NKAIN2: variants seen among roughly 807,000 people sequenced by gnomAD.
NKAIN2 encodes sodium/potassium-transporting ATPase subunit beta-1-interacting protein 2.
NKAIN2 carries 14 observed loss-of-function variants against 32.6 expected under a neutral mutation model. The observed-to-expected ratio is 0.43, with a 90% CI of 0.28 to 0.67. The LOEUF (loss-of-function observed/expected upper bound fraction) is 0.67. Ranked by LOEUF, NKAIN2 falls within the 30% of genes least tolerant of loss-of-function variation. The probability of loss-of-function intolerance (pLI) is 0.17; values close to 1 mark genes in which losing one functional copy is unlikely to be tolerated. For synonymous variants in NKAIN2, 80 were observed against 87.2 expected, an observed-to-expected ratio of 0.92 and a Z score of 0.46; for missense variants, 198 against 258.3, an observed-to-expected ratio of 0.77 and a Z score of 1.60.
chr6:124,080,104 C>T (rs750544319), intron 1 of NKAIN2, among the ~76,000 whole-genome samples: 6 of 152,084 alleles, frequency 3.9e-5, no homozygotes, highest in Non-Finnish European at 8.8e-5. Flanking sequence ...AAAGCTGGGA[C>T]AACAGGTCTC....
At chr6:124,515,691 A>T (rs1487508829) in intron 3 of NKAIN2, among the ~76,000 whole-genome samples, 1 of 115,338 alleles carries the variant, frequency 8.7e-6, no homozygotes, top group Non-Finnish European at 1.8e-5. Context: ...GCACTTCCCT[A>T]CTTCATTTTT....
At chr6:123,990,942 A>G (rs1208376133) in intron 1 of NKAIN2, among the ~76,000 whole-genome samples, 1 of 152,208 alleles carries the variant, frequency 6.6e-6, no homozygotes, top group Non-Finnish European at 1.5e-5. Flanking sequence ...CAATGAAATA[A>G]TTAGCCAATT....
chr6:124,755,465 C>T (rs1303824383), intron 4 of NKAIN2, among the ~76,000 whole-genome samples: 1 of 152,088 alleles, frequency 6.6e-6, no homozygotes, highest in East Asian at 1.9e-4. Flanking sequence ...TCTAGGCATC[C>T]TTCAGTCCAA....
intron 1 of NKAIN2, among the ~76,000 whole-genome samples, chr6:124,002,640 CT>C (rs1285847007): frequency 2.0e-5 from 3 of 152,108 alleles, no homozygotes; most frequent in Non-Finnish European, 4.4e-5. Flanking sequence ...GAAACCTGGC[CT>C]GGCGATGGCA....
At position 123,997,327 on chromosome 6, in the gene NKAIN2, C is replaced by T. The variant is rs1473909102; in HGVS notation, c.54+193073C>T. Among the ~76,000 whole-genome samples the T allele has an allele frequency of 2.6e-5, 4 of 152,168 alleles. No homozygotes were observed. The East Asian group carries it at 7.7e-4, about 29-fold the overall frequency. On this transcript the variant is annotated intron_variant, in intron 1 of 6. Coordinates refer to ENST00000368417, the MANE Select transcript of NKAIN2 (RefSeq NM_001040214.3). ...CCTATAAAACATGTTTTATTTAATT[C>T]ATTGCTACCCGTTTATGGCTGCACC...
chr6:124,721,142 C>T (rs188736925), intron 4 of NKAIN2, among the ~76,000 whole-genome samples: 15 of 152,228 alleles, frequency 9.9e-5, no homozygotes, highest in Non-Finnish European at 1.6e-4. Flanking sequence ...GTTGGCCGGG[C>T]GCGGTGGCTC....
chr6:124,647,433 A>G lies in NKAIN2; in HGVS notation c.274-10753A>G, dbSNP rs1784215070. On this transcript the variant is annotated intron_variant, in intron 3 of 6. Coordinates refer to ENST00000368417, the MANE Select transcript of NKAIN2 (RefSeq NM_001040214.3). ...GTGCTCACTTGAACCCAGGAGGTGG[A>G]GGGTCTAGTAAGCCAAGATTGTGCC... Among the ~76,000 whole-genome samples the G allele has an allele frequency of 2.3e-5, 3 of 131,282 alleles. No individual in the cohort carries two copies. The South Asian group carries it at 7.9e-4, about 35-fold the overall frequency. The allele number at this position is 131,282 out of a possible 152,430, so 86.1% of individuals were successfully genotyped here.
chr6:124,672,000 G>T (rs35522678), intron 4 of NKAIN2, among the ~76,000 whole-genome samples: 1 of 151,676 alleles, frequency 6.6e-6, no homozygotes, highest in Admixed American at 6.6e-5. Flanking sequence ...TCCTGTCAAT[G>T]AGCCCATTTT....
At chr6:124,565,629 T>A (rs1780881175) in intron 3 of NKAIN2, among the ~76,000 whole-genome samples, 1 of 152,216 alleles carries the variant, frequency 6.6e-6, no homozygotes, top group South Asian at 2.1e-4. Flanking sequence ...AGTGGTTTCA[T>A]GCCTCTGCAC....
intron 3 of NKAIN2, among the ~76,000 whole-genome samples, chr6:124,530,225 AATGCAT>A (rs1326200218): frequency 6.6e-6 from 1 of 152,236 alleles, no homozygotes; most frequent in African/African-American, 2.4e-5. Flanking sequence ...ACAGTCAGTT[AATGCAT>A]ATTTTCTATA....
intron 4 of NKAIN2, among the ~76,000 whole-genome samples, chr6:124,676,980 G>A (rs941519717): frequency 6.6e-6 from 1 of 151,702 alleles, no homozygotes; most frequent in African/African-American, 2.4e-5. Context: ...TTGTTGTTTT[G>A]GGGTGGAGGA....
At chr6:124,131,097 A>T (rs2114261748) in intron 1 of NKAIN2, among the ~76,000 whole-genome samples, 1 of 152,302 alleles carries the variant, frequency 6.6e-6, no homozygotes, top group African/African-American at 2.4e-5. Flanking sequence ...ATAAATCAGA[A>T]TTACTTTACC....
intron 3 of NKAIN2, among the ~76,000 whole-genome samples, chr6:124,356,906 G>C (rs1436272502): frequency 6.6e-6 from 1 of 152,162 alleles, no homozygotes; most frequent in African/African-American, 2.4e-5. Flanking sequence ...TGAGTAAAAT[G>C]ATCCAGCAGA....
chr6:124,603,152 C>T (rs942893798), intron 3 of NKAIN2, among the ~76,000 whole-genome samples: 1 of 151,852 alleles, frequency 6.6e-6, no homozygotes, highest in African/African-American at 2.4e-5. Flanking sequence ...GAGAAAAAAA[C>T]ATAAAAACAA....
At chr6:124,777,601 A>C (rs1779038848) in intron 4 of NKAIN2, among the ~76,000 whole-genome samples, 1 of 152,152 alleles carries the variant, frequency 6.6e-6, no homozygotes, top group South Asian at 2.1e-4. Context: ...TATTCATCAG[A>C]GATGAGGAAC....
At chr6:124,536,526 C>T (rs918496916) in intron 3 of NKAIN2, among the ~76,000 whole-genome samples, 1 of 152,016 alleles carries the variant, frequency 6.6e-6, no homozygotes, top group African/African-American at 2.4e-5. Flanking sequence ...ATCCCCTTCC[C>T]TTGCCTGAAT....
intron 4 of NKAIN2, among the ~76,000 whole-genome samples, chr6:124,664,523 G>GTGAT (rs1323906456): frequency 4.6e-5 from 7 of 151,846 alleles, no homozygotes; most frequent in African/African-American, 1.7e-4. Flanking sequence ...GCAAAGAAGT[G>GTGAT]TGATAGAATT....
At chr6:124,474,133 C>T (rs753640981) in intron 3 of NKAIN2, among the ~76,000 whole-genome samples, 8 of 151,278 alleles carry the variant, frequency 5.3e-5, no homozygotes, top group Admixed American at 1.3e-4. Flanking sequence ...ACAGGTTTCT[C>T]GCTCTATCGC....
At chr6:124,663,712 A>G (rs760635427) in intron 4 of NKAIN2, among the ~76,000 whole-genome samples, 9 of 152,156 alleles carry the variant, frequency 5.9e-5, no homozygotes, top group Non-Finnish European at 1.2e-4. Flanking sequence ...TACTTCCCAG[A>G]AATTACTGTT....
Sources: gnomAD v4.1 joint callset for allele counts (sites outside exome capture counted in the v4.1 genomes callset) on GRCh38, gnomAD v4.1.1 for gene constraint, MANE v1.5 for transcripts, NCBI Gene and HGNC (gene_info 2026-07-23, HGNC 2026-07-21) for gene names.